Variants in PHACTR2 observed in about 807,000 individuals in gnomAD.
The protein encoded by PHACTR2 is phosphatase and actin regulator 2, also known as chromosome 6 open reading frame 56.
Under a neutral mutation model 76.0 loss-of-function variants are expected in PHACTR2, and 30 were observed. That is an observed-to-expected ratio of 0.39 (90% CI 0.30 to 0.54). PHACTR2 has a LOEUF of 0.54. Ranked by LOEUF, PHACTR2 falls within the 20% of genes least tolerant of loss-of-function variation. The probability of loss-of-function intolerance (pLI) is 0.61; values close to 1 mark genes in which losing one functional copy is unlikely to be tolerated. For synonymous variants in PHACTR2, 292 were observed against 292.5 expected (o/e 1.00, Z 0.02); for missense variants, 696 against 781.1 (o/e 0.89, Z 1.30).
chr6:143,662,253 C>T lies in PHACTR2; in HGVS notation c.14-49763C>T, dbSNP rs1274069154. Among the ~76,000 whole-genome samples the T allele has an allele frequency of 2.0e-5, 3 of 152,124 alleles. No homozygotes were observed. The East Asian group carries it at 5.8e-4, about 29-fold the overall frequency. On this transcript the variant is annotated intron_variant, in intron 1 of 11. Transcript: ENST00000305766. This position sits in a 1 kb window ranked among gnomAD's most constrained non-coding sequence, Gnocchi z 4.7. ...CCTAGAGAGCTGTTTTACTTGGAGG[C>T]ATTTCTTAGATTTAAGTTCTAATAA...
rs1441542708 is a variant in PHACTR2, at chr6:143,578,846, C to T, written c.217+41639C>T. On this transcript the variant is annotated intron_variant, in intron 1 of 11. Transcript: ENST00000367584. This position sits in a 1 kb window ranked among gnomAD's most constrained non-coding sequence, Gnocchi z 4.5. The stretch of plus-strand genomic sequence containing the variant: ...TGGAATAACGTATTTTCAAAAATGC[C>T]TATTGTGATTTGTGTTTTTACCCAT... Among the ~76,000 whole-genome samples the T allele has an allele frequency of 1.3e-5, 2 of 152,086 alleles. No homozygotes were observed. Among genetic ancestry groups the T allele is most frequent in the Non-Finnish European group, 2.9e-5 (2 of 68,014 alleles).
At chr6:143,746,548 G>C (rs1435093514) in intron 2 of PHACTR2, among the ~76,000 whole-genome samples, 2 of 152,166 alleles carry the variant, frequency 1.3e-5, no homozygotes, top group Admixed American at 1.3e-4. Flanking sequence ...CTCTGGGCCT[G>C]TTCCCAGGAA....
intron 1 of PHACTR2, among the ~76,000 whole-genome samples, chr6:143,701,259 A>T (rs1206172576): frequency 6.6e-6 from 1 of 152,230 alleles, no homozygotes; most frequent in African/African-American, 2.4e-5. Context: ...GGAAGTCTTT[A>T]GTAGCTTTTC....
At chr6:143,769,280 C>A (rs529190067) in intron 6 of PHACTR2, among the ~76,000 whole-genome samples, 6 of 152,184 alleles carry the variant, frequency 3.9e-5, no homozygotes, top group African/African-American at 9.6e-5. Flanking sequence ...GAGGCCATAT[C>A]CAAAAGGCTA....
rs1199847723 is a variant in PHACTR2 at position 143,595,627 on chromosome 6, G to A, written c.217+58420G>A. On this transcript the variant is annotated intron_variant, in intron 1 of 11. Coordinates refer to the PHACTR2 transcript ENST00000367584. The surrounding 1 kb of genome is among the most constrained non-coding windows in gnomAD (Gnocchi z 4.2). ...TTATTTCAATAGCCACATTTTAGAT[G>A]ACAAATTTAAAATTGTATCCAAATT... Among the ~76,000 whole-genome samples the A allele has an allele frequency of 6.6e-6, 1 of 152,168 alleles. No homozygotes were observed. The highest frequency in any genetic ancestry group is 1.5e-5 in the Non-Finnish European group (1 of 68,038).
At chr6:143,655,157 C>CAAAA (rs151076366) in intron 1 of PHACTR2, among the ~76,000 whole-genome samples, 1 of 99,094 alleles carries the variant, frequency 1.0e-5, no homozygotes, top group Non-Finnish European at 2.0e-5. Flanking sequence ...AACTCCGTCT[C>CAAAA]AAAAAAAAAA....
At position 143,599,327 on chromosome 6, in the gene PHACTR2, C is replaced by T. The variant is rs947280596; in HGVS notation, c.217+62120C>T. Among the ~76,000 whole-genome samples the T allele has an allele frequency of 2.6e-5, 4 of 152,150 alleles. No homozygotes were observed. Among genetic ancestry groups the T allele is most frequent in the African/African-American group, 9.7e-5 (4 of 41,444 alleles). On this transcript the variant is annotated intron_variant, in intron 1 of 11. Transcript: ENST00000367584. The surrounding 1 kb of genome is among the most constrained non-coding windows in gnomAD (Gnocchi z 4.6). ...TAAGGAGATCAGGCAGAAATTGATT[C>T]ATGAGAGAAAAAAGTAACATGCTTT...
At chr6:143,748,601 T>G (rs1464159009) in intron 2 of PHACTR2, among the ~76,000 whole-genome samples, 1 of 152,264 alleles carries the variant, frequency 6.6e-6, no homozygotes, top group Admixed American at 6.5e-5. Context: ...GTTTTTTTCT[T>G]TAATGTAAGC....
In PHACTR2 at chr6:143,707,643, A is replaced by G. The variant is rs191127426; in HGVS notation, c.47-4373A>G. 1.4e-3 allele frequency among the ~76,000 whole-genome samples: 212 copies of G among 152,342 alleles called. 1 individual carries two copies. The highest frequency in any genetic ancestry group is 4.7e-3 in the African/African-American group (194 of 41,566). On this transcript the variant is annotated intron_variant, in intron 1 of 12. Coordinates refer to ENST00000440869, the MANE Select transcript of PHACTR2 (RefSeq NM_001100164.2). ...CAACAAACTCTATTAGGTAGAATCAATTTTTCTAAGAATCTCTATAATTTA... is the reference window on the plus strand; with the variant it reads ...CAACAAACTCTATTAGGTAGAATCAGTTTTTCTAAGAATCTCTATAATTTA...
intron 1 of PHACTR2, among the ~76,000 whole-genome samples, chr6:143,668,783 T>C (rs1397324464): frequency 6.6e-6 from 1 of 152,104 alleles, no homozygotes; most frequent in African/African-American, 2.4e-5. Context: ...TTTATTAGTC[T>C]GGTAGTGGTC....
rs1375792236 is a variant in PHACTR2 at position 143,678,747 on chromosome 6, G to C, written c.46+538G>C. 1.3e-5 allele frequency among the ~76,000 whole-genome samples: 2 copies of C among 152,164 alleles called. No individual in the cohort carries two copies. Among genetic ancestry groups the C allele is most frequent in the Non-Finnish European group, 2.9e-5 (2 of 68,044 alleles). Reference sequence around the variant, plus strand: ...TCAAATGAGACTTGTTTTGTTTATAGTAGATACAGCAGCTATAACATTTAG... The same window carrying C: ...TCAAATGAGACTTGTTTTGTTTATACTAGATACAGCAGCTATAACATTTAG... On this transcript the variant is annotated intron_variant, in intron 1 of 12. Coordinates refer to ENST00000440869, the MANE Select transcript of PHACTR2 (RefSeq NM_001100164.2). The surrounding 1 kb of genome is among the most constrained non-coding windows in gnomAD (Gnocchi z 6.2).
Position 143,682,779 on chromosome 6 carries a change from T to G in PHACTR2, c.46+4570T>G, listed in dbSNP as rs568184863. On this transcript the variant is annotated intron_variant, in intron 1 of 12. Transcript: ENST00000440869. ...TAACAAAAAAAGTTGTTTTTTTGTT[T>G]TTTGTTTTTTGTTTTTTTTTACCAT... Among the ~76,000 whole-genome samples, 256 of 138,524 alleles carry G rather than the reference T, an allele frequency of 1.8e-3. 2 individuals carry two copies. Among genetic ancestry groups the G allele is most frequent in the African/African-American group, 6.3e-3 (241 of 38,550 alleles). 90.9% of individuals were successfully genotyped at this position (138,524 alleles called of 152,430 possible).
chr6:143,762,194 A>G (rs1779458826), intron 5 of PHACTR2, among the ~76,000 whole-genome samples: 1 of 152,198 alleles, frequency 6.6e-6, no homozygotes, highest in Non-Finnish European at 1.5e-5. Flanking sequence ...TCACTCTGTC[A>G]TTGGGAATTA....
intron 1 of PHACTR2, among the ~76,000 whole-genome samples, chr6:143,552,554 A>G (rs1775108185): frequency 6.6e-6 from 1 of 152,176 alleles, no homozygotes; most frequent in Admixed American, 6.5e-5. Flanking sequence ...GTGCTCAGAC[A>G]TGTCTGTTTA....
chr6:143,741,522 A>T (rs186495204), intron 2 of PHACTR2, among the ~76,000 whole-genome samples: 1 of 152,252 alleles, frequency 6.6e-6, no homozygotes, highest in Admixed American at 6.5e-5. Flanking sequence ...TAATAAGAAG[A>T]AGAATTGCTT....
rs1389941161 is a variant in PHACTR2 at position 143,647,631 on chromosome 6, G to C, written c.13+39309G>C. Among the ~76,000 whole-genome samples, 1 of 152,218 alleles carries C rather than the reference G, an allele frequency of 6.6e-6. No homozygotes were observed. Among genetic ancestry groups the C allele is most frequent in the African/African-American group, 2.4e-5 (1 of 41,456 alleles). On this transcript the variant is annotated intron_variant, in intron 1 of 11. Coordinates refer to the PHACTR2 transcript ENST00000305766. The surrounding 1 kb of genome is among the most constrained non-coding windows in gnomAD (Gnocchi z 4.2). The stretch of plus-strand genomic sequence containing the variant: ...GAATCATGGGGTTTTGACTTTACGC[G>C]GGAGTCAGGGAAGGCCTCCGTGAGG...
intron 1 of PHACTR2, among the ~76,000 whole-genome samples, chr6:143,699,414 T>C (rs753230309): frequency 1.3e-5 from 2 of 152,224 alleles, no homozygotes; most frequent in African/African-American, 2.4e-5. Context: ...TCATTCTCAA[T>C]GCCAAAGGAG....
chr6:143,813,886 A>G (rs563605308), intron 12 of PHACTR2, among the ~76,000 whole-genome samples: 2 of 152,298 alleles, frequency 1.3e-5, no homozygotes, highest in East Asian at 3.9e-4. Context: ...CCCCACTCAC[A>G]GTCAAAAATA....
At chr6:143,601,200 A>T (rs1481322278) in intron 1 of PHACTR2, among the ~76,000 whole-genome samples, 1 of 152,240 alleles carries the variant, frequency 6.6e-6, no homozygotes, top group Admixed American at 6.5e-5. Context: ...TGAGACTCAG[A>T]TACAGGTGTC....
Sources: gnomAD v4.1 joint callset for allele counts (sites outside exome capture counted in the v4.1 genomes callset) on GRCh38, gnomAD v4.1.1 for gene constraint, Gnocchi (gnomAD v3.1) non-coding constraint, MANE v1.5 for transcripts, NCBI Gene and HGNC (gene_info 2026-07-23, HGNC 2026-07-21) for gene names.